Variants in PARP2 observed in about 807,000 individuals in gnomAD.
PARP2 encodes the protein poly(ADP-ribose) polymerase 2.
A neutral mutation model predicts 77.8 loss-of-function variants in PARP2; 57 were observed. The ratio of observed to expected loss-of-function variants is 0.73; its 90% CI spans 0.59 to 0.91. The LOEUF is 0.91. Ranked by LOEUF, PARP2 falls within the 40% of genes least tolerant of loss-of-function variation. The pLI, the probability that PARP2 is intolerant of heterozygous loss-of-function variation, is 0.00. For synonymous variants in PARP2, 226 were observed against 242.6 expected, an observed-to-expected ratio of 0.93 and a Z score of 0.64; for missense variants, 651 against 689.0, an observed-to-expected ratio of 0.94 and a Z score of 0.62.
At chr14:20,349,827 T>G (rs2138929548) in intron 4 of PARP2, among the ~76,000 whole-genome samples, 1 of 152,132 alleles carries the variant, frequency 6.6e-6, no homozygotes, top group Non-Finnish European at 1.5e-5. Flanking sequence ...AAAGAATGCC[T>G]CCATATCCAG....
chr14:20,348,467 G>A (rs558064820), intron 4 of PARP2, among the ~76,000 whole-genome samples: 5 of 150,658 alleles, frequency 3.3e-5, no homozygotes, highest in African/African-American at 4.9e-5. Flanking sequence ...TTGTGACCTC[G>A]TGTGATCCTC....
chr14:20,350,386 C>G (rs963513852), intron 4 of PARP2, 140 bp from the exon 5 acceptor site: 5 of 515,646 alleles, frequency 9.7e-6, no homozygotes, highest in African/African-American at 1.9e-5. Context: ...TTTAATCTTA[C>G]AGGAATCTAA....
At position 20,356,672 on chromosome 14, in the gene PARP2, C is replaced by T. The variant is rs777667006; in HGVS notation, c.1312C>T (p.Pro438Ser). 1 of 1,612,608 alleles carries T rather than the reference C, an allele frequency of 6.2e-7. No individual in the cohort carries two copies. The highest frequency in any genetic ancestry group is 8.5e-7 in the Non-Finnish European group (1 of 1,178,638). The change falls in exon 13 of 16, where the codon CCC (proline) becomes TCC (serine). Residue 438 changes from proline to serine, a missense_variant. Coordinates refer to ENST00000429687, the MANE Select transcript of PARP2 (RefSeq NM_001042618.2). ...GCTTCGAATTGCCCCACCTGAAGCTCCCATCACAGGTTACATGGTGAGTGA... is the reference window on the plus strand; with the variant it reads ...GCTTCGAATTGCCCCACCTGAAGCTTCCATCACAGGTTACATGGTGAGTGA... ...HGLRIAPPEA[P>S]ITGYMFGKGI... is the part of the protein sequence containing the mutation.
At chr14:20,352,163 C>A in intron 6 of PARP2, 82 bp from the exon 7 acceptor site, 4 of 743,534 alleles carry the variant, frequency 5.4e-6, no homozygotes, top group South Asian at 5.2e-5. Flanking sequence ...AAAATAAATT[C>A]TTTGGAGATT....
At chr14:20,355,677 C>A in intron 9 of PARP2, 75 bp from the exon 10 acceptor site, 1 of 1,149,520 alleles carries the variant, frequency 8.7e-7, no homozygotes, top group African/African-American at 1.5e-5. Flanking sequence ...ACCTATCTGT[C>A]ATTTTCTATT....
Position 20,344,982 on chromosome 14 carries a change from T to C in PARP2, c.97T>C (p.Ser33Pro). 3 of 1,614,084 alleles carry C rather than the reference T, an allele frequency of 1.9e-6. No homozygotes were observed. Among genetic ancestry groups the C allele is most frequent in the Non-Finnish European group, 2.5e-6 (3 of 1,179,974 alleles). ...VNNGNTAPED[S>P]SPAKKTRRCQ... is the part of the protein sequence containing the mutation. ...TAATGGCAACACGGCTCCAGAAGAC[T>C]CTTCCCCTGCCAAGAAAACTCGTAG... The change falls in exon 2 of 16, where the codon TCT (serine) becomes CCT (proline). Residue 33 changes from serine to proline, a missense_variant. Transcript: ENST00000429687.
intron 9 of PARP2, chr14:20,355,335 T>G (rs1884106120): frequency 5.4e-6 from 1 of 184,220 alleles, no homozygotes; most frequent in Non-Finnish European, 1.1e-5. Context: ...CATTTGTTGA[T>G]TCTGTTTTCT....
At chr14:20,349,648 T>G (rs1883888519) in intron 4 of PARP2, among the ~76,000 whole-genome samples, 1 of 152,106 alleles carries the variant, frequency 6.6e-6, no homozygotes, top group South Asian at 2.1e-4. Flanking sequence ...CACTCCAGCC[T>G]GGGCGACAGA....
chr14:20,348,688 T>C (rs1883853753), intron 4 of PARP2, among the ~76,000 whole-genome samples: 2 of 152,252 alleles, frequency 1.3e-5, no homozygotes, highest in Non-Finnish European at 2.9e-5. Flanking sequence ...TATTTCTTAC[T>C]ATTTCTTCTA....
intron 8 of PARP2, 39 bp from the exon 9 acceptor site, chr14:20,354,770 G>T: frequency 6.4e-7 from 1 of 1,573,178 alleles, no homozygotes; most frequent in South Asian, 1.2e-5. Flanking sequence ...CACTAGATGG[G>T]ATCCTAGTTT....
chr14:20,354,564 G>C (rs1884072811), intron 8 of PARP2: 1 of 545,218 alleles, frequency 1.8e-6, no homozygotes. Context: ...AGGCATGGTG[G>C]TGTGTGCCTG....
chr14:20,356,469 C>G (rs756774234), intron 12 of PARP2, 35 bp downstream of exon 12: 3 of 1,613,892 alleles, frequency 1.9e-6, no homozygotes, highest in Non-Finnish European at 2.5e-6. Context: ...AAAGACACTC[C>G]TTGCCCGAAA....
intron 4 of PARP2, 85 bp downstream of exon 4, chr14:20,346,998 TC>T: frequency 1.2e-6 from 1 of 811,540 alleles, no homozygotes; most frequent in South Asian, 1.7e-5. Flanking sequence ...AGTGTTCAGA[TC>T]TTTAAAGTCC....
chr14:20,347,344 A>ATGTG (rs1491263339), intron 4 of PARP2, among the ~76,000 whole-genome samples: 10 of 63,936 alleles, frequency 1.6e-4, no homozygotes, highest in Admixed American at 2.0e-4. Context: ...AAAGTCCTTC[A>ATGTG]TATGTGTGTG....
At chr14:20,351,001 C>T in intron 5 of PARP2, 46 bp from the exon 6 acceptor site, 2 of 1,424,384 alleles carry the variant, frequency 1.4e-6, no homozygotes, top group African/African-American at 2.8e-5. Context: ...GAGAGCTGGC[C>T]TGTTACTCTT....
chr14:20,355,120 G>T, intron 9 of PARP2, 173 bp downstream of exon 9: 1 of 576,110 alleles, frequency 1.7e-6, no homozygotes, highest in Non-Finnish European at 2.9e-6. Flanking sequence ...TACAAATATG[G>T]GATGCAATCT....
intron 4 of PARP2, among the ~76,000 whole-genome samples, chr14:20,347,778 T>C (rs183752311): frequency 2.0e-5 from 3 of 152,140 alleles, no homozygotes; most frequent in East Asian, 3.9e-4. Context: ...CACACTCTTA[T>C]CAGATAGCAG....
intron 6 of PARP2, among the ~76,000 whole-genome samples, chr14:20,351,395 T>A (rs959841572): frequency 6.6e-6 from 1 of 152,012 alleles, no homozygotes; most frequent in Non-Finnish European, 1.5e-5. Context: ...GCCAGGCTGG[T>A]CTCGAACCCC....
In PARP2 at chr14:20,347,352, GTGTGTATATATATATATATA is replaced by G. The variant is rs1883770373; in HGVS notation, c.324+441_324+460del. 1.5e-3 allele frequency among the ~76,000 whole-genome samples: 79 copies of G among 51,804 alleles called. 7 individuals are homozygous for G. Among genetic ancestry groups the G allele is most frequent in the African/African-American group, 6.1e-3 (71 of 11,652 alleles). 34.0% of individuals were successfully genotyped at this position (51,804 alleles called of 152,430 possible). On this transcript the variant is annotated intron_variant, in intron 4 of 15. Coordinates refer to ENST00000429687, the MANE Select transcript of PARP2 (RefSeq NM_001042618.2). Reference sequence around the variant, plus strand: ...CTTGCCTAAAGTCCTTCATATGTGTGTGTGTATATATATATATATATATATATATATATATATATATATAT... The same window carrying G: ...CTTGCCTAAAGTCCTTCATATGTGTGTATATATATATATATATATATATAT...
Sources: allele counts gnomAD v4.1 joint callset (sites outside exome capture counted in the v4.1 genomes callset), GRCh38; gene constraint gnomAD v4.1.1; transcripts MANE v1.5; gene names NCBI Gene and HGNC (gene_info 2026-07-23, HGNC 2026-07-21).